Variants in DCAF13 observed in about 807,000 individuals in gnomAD.
DCAF13 encodes the protein DDB1- and CUL4-associated factor 13.
Under a neutral mutation model 59.0 loss-of-function variants are expected in DCAF13, and 38 were observed. That is an observed-to-expected ratio of 0.64 (90% CI 0.50 to 0.84). The LOEUF is 0.84. DCAF13 is among the 40% of genes least tolerant of loss of function. DCAF13 has a pLI of 0.00. For synonymous variants in DCAF13, 173 were observed against 175.0 expected, an observed-to-expected ratio of 0.99 and a Z score of 0.09; for missense variants, 469 against 558.4, an observed-to-expected ratio of 0.84 and a Z score of 1.61.
chr8:103,435,561 C>T, intron 7 of DCAF13, 65 bp from the exon 8 acceptor site: 2 of 1,328,860 alleles, frequency 1.5e-6, no homozygotes, highest in Non-Finnish European at 2.0e-6. Context: ...TCAGTGGTAT[C>T]TTTTAGTACT....
At chr8:103,417,319 A>G (rs980973436) in intron 1 of DCAF13, among the ~76,000 whole-genome samples, 1 of 151,414 alleles carries the variant, frequency 6.6e-6, no homozygotes, top group Non-Finnish European at 1.5e-5. Flanking sequence ...TAAATCTATC[A>G]CAGTGTTGAA....
At chr8:103,431,602 T>TA (rs1816866344) in intron 6 of DCAF13, among the ~76,000 whole-genome samples, 1 of 152,200 alleles carries the variant, frequency 6.6e-6, no homozygotes, top group Non-Finnish European at 1.5e-5. Flanking sequence ...ACTTTGGTCT[T>TA]AGACTTTTAA....
In DCAF13 at chr8:103,427,238, T is replaced by C. The variant is rs1278817898; in HGVS notation, c.610T>C (p.Phe204Leu). Residue 204 changes from phenylalanine to leucine, a missense_variant, in exon 5 of 11, where the codon TTT (phenylalanine) becomes CTT (leucine). Coordinates refer to ENST00000612750, the MANE Select transcript of DCAF13 (RefSeq NM_015420.7). ...ATTTGACAGTATAAGTAGTGTTAAATTTAACCCAATTGAGGTAATGTTTTT... is the reference window on the plus strand; with the variant it reads ...ATTTGACAGTATAAGTAGTGTTAAACTTAACCCAATTGAGGTAATGTTTTT... Reference protein sequence around the residue: ...WGFDSISSVKFNPIETFLLGS... With the variant: ...WGFDSISSVKLNPIETFLLGS... 6.2e-7 allele frequency: 1 copy of C among 1,612,786 alleles called. No homozygotes were observed. The highest frequency in any genetic ancestry group is 1.3e-5 in the African/African-American group (1 of 74,992).
At chr8:103,433,051 A>G (rs1400693648) in intron 7 of DCAF13, among the ~76,000 whole-genome samples, 1 of 152,174 alleles carries the variant, frequency 6.6e-6, no homozygotes, top group Non-Finnish European at 1.5e-5. Flanking sequence ...GATATTGGAT[A>G]TGGCTGCTTT....
Position 103,420,986 on chromosome 8 carries a change from G to T in DCAF13, c.282G>T (p.Trp94Cys). 6.2e-7 allele frequency: 1 copy of T among 1,605,108 alleles called. No individual in the cohort carries two copies. The highest frequency in any genetic ancestry group is 1.7e-4 in the Middle Eastern group (1 of 6,020). The change falls in exon 3 of 11, where the codon TGG (tryptophan) becomes TGT (cysteine). Residue 94 changes from tryptophan (W) to cysteine (C), a missense_variant. Coordinates refer to ENST00000612750, the MANE Select transcript of DCAF13 (RefSeq NM_015420.7). ...ATGCCTTATCATAGGTTAGAATTTG[G>T]AATCTAACTCAGCGGAATTGTATCC... ...SGACDGEVRI[W>C]NLTQRNCIRT...
At chr8:103,424,056 T>C (rs1461533996) in intron 3 of DCAF13, among the ~76,000 whole-genome samples, 2 of 152,014 alleles carry the variant, frequency 1.3e-5, no homozygotes, top group Non-Finnish European at 2.9e-5. Context: ...TCTCCCTCTG[T>C]CGCCCAGGTT....
rs1280928197 is a variant in DCAF13 at position 103,418,135 on chromosome 8, A to G, written c.71-2129A>G. 2.6e-5 allele frequency among the ~76,000 whole-genome samples: 4 copies of G among 152,024 alleles called. No homozygotes were observed. The East Asian group carries it at 7.7e-4, about 29-fold the overall frequency. The stretch of plus-strand genomic sequence containing the variant: ...AGAGCAAGACTCCGTCTCAAAAAAA[A>G]AAGAAAAAAAAAGACATCTGATAAT... On this transcript the variant is annotated intron_variant, in intron 1 of 10. Coordinates refer to ENST00000612750, the MANE Select transcript of DCAF13 (RefSeq NM_015420.7).
chr8:103,435,755 T>C lies in DCAF13; in HGVS notation c.915T>C (p.Ser305=). 1 of 1,613,782 alleles carries C rather than the reference T, an allele frequency of 6.2e-7. No homozygotes were observed. The highest frequency in any genetic ancestry group is 8.5e-7 in the Non-Finnish European group (1 of 1,179,782). Residue 305 remains serine, a synonymous_variant, in exon 8 of 11, where the codon TCT becomes TCC. Transcript: ENST00000612750. ...KEFVSASFDK[S]IRIFPVDKSR... ...TTGTGTCTGCTAGTTTCGATAAATC[T>C]ATTCGAATCTTTCCTGTAGACAAAA...
intron 7 of DCAF13, 129 bp downstream of exon 7, chr8:103,432,870 CT>C (rs1476592022): frequency 1.9e-6 from 1 of 523,110 alleles, no homozygotes; most frequent in African/African-American, 1.9e-5. Flanking sequence ...ATCTGTTTAG[CT>C]TTAAAAAGTT....
chr8:103,426,238 T>C, intron 4 of DCAF13, 93 bp downstream of exon 4: 1 of 741,120 alleles, frequency 1.3e-6, no homozygotes. Flanking sequence ...GGGAAGAAGA[T>C]GCAGATAAGA....
chr8:103,435,346 A>G (rs1259524112), intron 7 of DCAF13, among the ~76,000 whole-genome samples: 1 of 152,148 alleles, frequency 6.6e-6, no homozygotes, highest in Non-Finnish European at 1.5e-5. Flanking sequence ...GTAGAATTCA[A>G]GGTAATTTTT....
chr8:103,420,869 GT>G, intron 2 of DCAF13, 105 bp from the exon 3 acceptor site: 1 of 809,834 alleles, frequency 1.2e-6, no homozygotes. Flanking sequence ...AAGGATTTTG[GT>G]TTTAGCTGCC....
chr8:103,418,612 G>C (rs549966244), intron 1 of DCAF13, among the ~76,000 whole-genome samples: 1 of 151,388 alleles, frequency 6.6e-6, no homozygotes, highest in African/African-American at 2.4e-5. Flanking sequence ...GAGATGATGA[G>C]TAGGACTTTG....
chr8:103,430,956 A>T (rs2130488682), intron 6 of DCAF13, among the ~76,000 whole-genome samples: 1 of 152,240 alleles, frequency 6.6e-6, no homozygotes, highest in Non-Finnish European at 1.5e-5. Context: ...TCTAATTAAT[A>T]CTTACTGAAT....
At chr8:103,417,992 G>T (rs1308601216) in intron 1 of DCAF13, among the ~76,000 whole-genome samples, 2 of 151,962 alleles carry the variant, frequency 1.3e-5, no homozygotes, top group Non-Finnish European at 2.9e-5. Context: ...GCCGGGCATG[G>T]TGGCGGGTGC....
At chr8:103,415,564 G>T in intron 1 of DCAF13, 48 bp downstream of exon 1, 1 of 1,542,896 alleles carries the variant, frequency 6.5e-7, no homozygotes. Flanking sequence ...CAAGTCGTTG[G>T]GTCTAGCCTC....
At chr8:103,430,512 A>T in intron 5 of DCAF13, 100 bp from the exon 6 acceptor site, 1 of 745,990 alleles carries the variant, frequency 1.3e-6, no homozygotes, top group Non-Finnish European at 2.2e-6. Context: ...TTTGTTTTTT[A>T]ACATAAATAT....
chr8:103,435,419 G>A (rs535387876), intron 7 of DCAF13, among the ~76,000 whole-genome samples: 1 of 152,202 alleles, frequency 6.6e-6, no homozygotes, highest in East Asian at 1.9e-4. Flanking sequence ...TGGAAAATGT[G>A]TTGGTATATA....
intron 3 of DCAF13, 178 bp downstream of exon 3, chr8:103,421,260 C>A: frequency 1.5e-6 from 1 of 674,290 alleles, no homozygotes; most frequent in Non-Finnish European, 2.7e-6. Flanking sequence ...TCAGCCTTCC[C>A]CATAACTTAA....
Sources: allele counts gnomAD v4.1 joint callset (sites outside exome capture counted in the v4.1 genomes callset), GRCh38; gene constraint gnomAD v4.1.1; transcripts MANE v1.5; gene names NCBI Gene and HGNC (gene_info 2026-07-23, HGNC 2026-07-21).